The following AMIGO2 variants were observed in gnomAD, a reference collection of about 807,000 sequenced individuals.
The protein encoded by AMIGO2 is adhesion molecule with Ig like domain 2.
Under a neutral mutation model 23.7 loss-of-function variants are expected in AMIGO2, and 15 were observed. The observed-to-expected ratio is 0.63, with a 90% CI of 0.42 to 0.98. The LOEUF (loss-of-function observed/expected upper bound fraction) is 0.98. AMIGO2 is among the 50% of genes least tolerant of loss of function. The pLI, the probability that AMIGO2 is intolerant of heterozygous loss-of-function variation, is 0.00. For missense variants in AMIGO2, 561 were observed against 633.1 expected (o/e 0.89, Z 1.22); for synonymous variants, 264 against 252.3 (o/e 1.05, Z -0.44).
chr12:47,076,370 G>A (rs549739381), downstream of AMIGO2: 8 of 152,412 alleles, frequency 5.2e-5, no homozygotes, highest in Middle Eastern at 3.4e-3. Context: ...AGAGTAAAAC[G>A]TCATACGGAA....
At position 47,077,355 on chromosome 12, in the gene AMIGO2, T is replaced by G; in HGVS notation, c.*79A>C. 2.0e-6 allele frequency: 3 copies of G among 1,503,490 alleles called. No individual in the cohort carries two copies. Among genetic ancestry groups the G allele is most frequent in the Non-Finnish European group, 8.9e-7 (1 of 1,120,736 alleles). The allele number at this position is 1,503,490 out of a possible 1,614,324, so 93.1% of individuals were successfully genotyped here. On this transcript the variant is annotated 3_prime_UTR_variant, in exon 3 of 3. Coordinates refer to ENST00000550413, the MANE Select transcript of AMIGO2 (RefSeq NM_001370299.1). ...GAACAAAACAACACAATTTCTGTCCTGCTGTTTATTTTGCAGACCACACAC... is the reference window on the plus strand; with the variant it reads ...GAACAAAACAACACAATTTCTGTCCGGCTGTTTATTTTGCAGACCACACAC...
chr12:47,079,009 C>G lies in AMIGO2; in HGVS notation c.-7G>C. 1 of 1,573,644 alleles carries G rather than the reference C, an allele frequency of 6.4e-7. No individual in the cohort carries two copies. The highest frequency in any genetic ancestry group is 8.6e-7 in the Non-Finnish European group (1 of 1,157,420). On this transcript the variant is annotated 5_prime_UTR_variant, in exon 3 of 3. Transcript: ENST00000550413. ...TGTGTACACGTAACGACATTATGGT[C>G]GCCTCTGAGTCTCTTCCCGGTGTCT...
At position 47,079,839 on chromosome 12, in the gene AMIGO2, C is replaced by T. The variant is rs1460870678; in HGVS notation, c.-548G>A. 2 of 150,168 alleles carry T rather than the reference C, an allele frequency of 1.3e-5. No individual in the cohort carries two copies. The highest frequency in any genetic ancestry group is 3.0e-5 in the Non-Finnish European group (2 of 67,282). The allele number at this position is 150,168 out of a possible 1,614,324, so 9.3% of individuals were successfully genotyped here. On this transcript the variant is annotated 5_prime_UTR_variant, in exon 1 of 3. Transcript: ENST00000550413. Reference sequence around the variant, plus strand: ...CGGGCGGCAGCGGGCGGCCCCGCCTCTCCGCACTCGGGAGGCTGCAGGACC... The same window carrying T: ...CGGGCGGCAGCGGGCGGCCCCGCCTTTCCGCACTCGGGAGGCTGCAGGACC...
chr12:47,078,176 T>C lies in AMIGO2; in HGVS notation c.827A>G (p.Gln276Arg). 1 of 1,614,192 alleles carries C rather than the reference T, an allele frequency of 6.2e-7. No individual in the cohort carries two copies. The highest frequency in any genetic ancestry group is 8.5e-7 in the Non-Finnish European group (1 of 1,180,042). Reference protein sequence around the residue: ...SRHSRQVLLLQDSFMNCSDSI... With the variant: ...SRHSRQVLLLRDSFMNCSDSI... ...GTCAGAGCAATTCATAAAGCTATCC[T>C]GGAGCAGAAGTACCTGACGCGAGTG... is the stretch of plus-strand genomic sequence containing the variant. The change falls in exon 3 of 3, where the codon CAG becomes CGG. Residue 276 changes from glutamine to arginine, a missense_variant. Coordinates refer to ENST00000550413, the MANE Select transcript of AMIGO2 (RefSeq NM_001370299.1).
Position 47,077,631 on chromosome 12 carries a change from G to A in AMIGO2, c.1372C>T (p.Arg458Trp), listed in dbSNP as rs555599003. 4 of 1,614,212 alleles carry A rather than the reference G, an allele frequency of 2.5e-6. No homozygotes were observed. Among genetic ancestry groups the A allele is most frequent in the South Asian group, 2.2e-5 (2 of 91,086 alleles). ...GPASDASADE[R>W]KAGAGKRVVF... ...ACTCTTTTACCTGCACCTGCCTTCC[G>A]TTCATCAGCGGAGGCATCACTAGCG... The change falls in exon 3 of 3, where the codon CGG (arginine) becomes TGG (tryptophan). Residue 458 changes from arginine to tryptophan, a missense_variant. By Grantham distance (101) the Arg-to-Trp change is moderately radical. Coordinates refer to ENST00000550413, the MANE Select transcript of AMIGO2 (RefSeq NM_001370299.1).
rs1341854928 is a variant in AMIGO2, at chr12:47,078,181, C to T, written c.822G>A (p.Leu274=). 1 of 1,614,066 alleles carries T rather than the reference C, an allele frequency of 6.2e-7. No individual in the cohort carries two copies. Among genetic ancestry groups the T allele is most frequent in the East Asian group, 2.2e-5 (1 of 44,892 alleles). Residue 274 remains leucine (L), a synonymous_variant, in exon 3 of 3, where the codon CTG becomes CTA. Transcript: ENST00000550413. ...AGCAATTCATAAAGCTATCCTGGAG[C>T]AGAAGTACCTGACGCGAGTGCCTGG... ...SDSRHSRQVL[L]LQDSFMNCSD...
chr12:47,076,643 T>G lies in AMIGO2; in HGVS notation c.*791A>C, dbSNP rs1214619834. 2 of 152,616 alleles carry G rather than the reference T, an allele frequency of 1.3e-5. No homozygotes were observed. The highest frequency in any genetic ancestry group is 4.8e-5 in the African/African-American group (2 of 41,450). 9.5% of individuals were successfully genotyped at this position (152,616 alleles called of 1,614,324 possible). On this transcript the variant is annotated 3_prime_UTR_variant, in exon 3 of 3. Transcript: ENST00000550413. ...ATTTAATAGTTCACATAATTTAAGATTTACATATACACAAGCACATGAACC... is the reference window on the plus strand; with the variant it reads ...ATTTAATAGTTCACATAATTTAAGAGTTACATATACACAAGCACATGAACC...
At position 47,078,713 on chromosome 12, in the gene AMIGO2, G is replaced by A. The variant is rs1470162918; in HGVS notation, c.290C>T (p.Thr97Ile). Residue 97 changes from threonine to isoleucine, a missense_variant, in exon 3 of 3, where the codon ACC (threonine) becomes ATC (isoleucine). Coordinates refer to ENST00000550413, the MANE Select transcript of AMIGO2 (RefSeq NM_001370299.1). Reference sequence around the variant, plus strand: ...GATGTTGTTATGACGAAGAATTAGGGTGTTCAGCTTTGCAAACGATACTGG... The same window carrying A: ...GATGTTGTTATGACGAAGAATTAGGATGTTCAGCTTTGCAAACGATACTGG... ...WIPVSFAKLN[T>I]LILRHNNITS... The A allele has an allele frequency of 1.2e-6, 2 of 1,614,196 alleles. No individual in the cohort carries two copies. The highest frequency in any genetic ancestry group is 1.7e-6 in the Non-Finnish European group (2 of 1,180,042).
rs375262126 is a variant in AMIGO2 at position 47,078,270 on chromosome 12, G to T, written c.733C>A (p.Arg245Ser). The T allele has an allele frequency of 6.2e-7, 1 of 1,614,070 alleles. No individual in the cohort carries two copies. Among genetic ancestry groups the T allele is most frequent in the South Asian group, 1.1e-5 (1 of 91,074 alleles). The change falls in exon 3 of 3, where the codon CGT becomes AGT. Residue 245 changes from arginine (R) to serine (S), a missense_variant. By Grantham distance (110) the Arg-to-Ser change is moderately radical. Transcript: ENST00000550413. Reference protein sequence around the residue: ...SLYSLLVFWYRRHFSSVMDFK... With the variant: ...SLYSLLVFWYSRHFSSVMDFK... ...TCCATCACTGAGCTAAAGTGCCTACGATACCAAAAGACCAGCAAGGAGTAC... is the reference window on the plus strand; with the variant it reads ...TCCATCACTGAGCTAAAGTGCCTACTATACCAAAAGACCAGCAAGGAGTAC...
rs777370025 is a variant in AMIGO2, at chr12:47,077,694, G to C, written c.1309C>G (p.Gln437Glu). ...KTKRQKNMLH[Q>E]SNAHSSILSP... Reference sequence around the variant, plus strand: ...AGAATCGATGAATGGGCATTGCTTTGGTGTAGCATATTTTTCTGTCTCTTG... The same window carrying C: ...AGAATCGATGAATGGGCATTGCTTTCGTGTAGCATATTTTTCTGTCTCTTG... Residue 437 changes from glutamine to glutamate, a missense_variant, in exon 3 of 3, where the codon CAA becomes GAA. Coordinates refer to ENST00000550413, the MANE Select transcript of AMIGO2 (RefSeq NM_001370299.1). 1 of 1,614,062 alleles carries C rather than the reference G, an allele frequency of 6.2e-7. No individual in the cohort carries two copies. Among genetic ancestry groups the C allele is most frequent in the East Asian group, 2.2e-5 (1 of 44,896 alleles).
At position 47,076,694 on chromosome 12, in the gene AMIGO2, T is replaced by G. The variant is rs1388890632; in HGVS notation, c.*740A>C. ...AATATTAGTTTGCTAGAACAGGGATTTAAGAAGTTACTCAGACATTTTGGT... is the reference window on the plus strand; with the variant it reads ...AATATTAGTTTGCTAGAACAGGGATGTAAGAAGTTACTCAGACATTTTGGT... On this transcript the variant is annotated 3_prime_UTR_variant, in exon 3 of 3. Coordinates refer to ENST00000550413, the MANE Select transcript of AMIGO2 (RefSeq NM_001370299.1). The G allele has an allele frequency of 1.3e-5, 2 of 152,472 alleles. No individual in the cohort carries two copies. The highest frequency in any genetic ancestry group is 2.9e-5 in the Non-Finnish European group (2 of 68,042). 9.4% of individuals were successfully genotyped at this position (152,472 alleles called of 1,614,324 possible). A position where few individuals can be genotyped will look rare whatever the true frequency, so the allele number is the denominator to read the frequency against.
Position 47,077,326 on chromosome 12 carries a change from C to A in AMIGO2, c.*108G>T, listed in dbSNP as rs1321736178. The A allele has an allele frequency of 2.1e-5, 30 of 1,408,450 alleles. No individual in the cohort carries two copies. Among genetic ancestry groups the A allele is most frequent in the Non-Finnish European group, 2.8e-5 (30 of 1,060,158 alleles). The allele number at this position is 1,408,450 out of a possible 1,614,324, so 87.2% of individuals were successfully genotyped here. On this transcript the variant is annotated 3_prime_UTR_variant, in exon 3 of 3. Coordinates refer to ENST00000550413, the MANE Select transcript of AMIGO2 (RefSeq NM_001370299.1). Reference sequence around the variant, plus strand: ...ATTTTAAGAGAATTTGGTTGTATTTCAAAGAACAAAACAACACAATTTCTG... The same window carrying A: ...ATTTTAAGAGAATTTGGTTGTATTTAAAAGAACAAAACAACACAATTTCTG...
rs754077784 is a variant in AMIGO2 at position 47,077,658 on chromosome 12, G to T, written c.1345C>A (p.Pro449Thr). The T allele has an allele frequency of 8.1e-6, 13 of 1,614,160 alleles. No individual in the cohort carries two copies. Among genetic ancestry groups the T allele is most frequent in the Non-Finnish European group, 1.1e-5 (13 of 1,180,030 alleles). ...NAHSSILSPGPASDASADERK... is the reference protein window; with the variant it reads ...NAHSSILSPGTASDASADERK... ...TCATCAGCGGAGGCATCACTAGCGG[G>T]GCCAGGACTGAGAATCGATGAATGG... The change falls in exon 3 of 3, where the codon CCC becomes ACC. Residue 449 changes from proline (P) to threonine (T), a missense_variant. By Grantham distance (38) the Pro-to-Thr change is conservative (BLOSUM62 -1). Transcript: ENST00000550413.
In AMIGO2 at chr12:47,079,642, GGCA is replaced by G; in HGVS notation, c.-354_-352del. ...TTGAGGAGTTTCAAGCAGCCGCGGC[GGCA>G]GCAGCAGCCCTGGACGCAGCAGCCA... On this transcript the variant is annotated 5_prime_UTR_variant, in exon 1 of 3. Coordinates refer to ENST00000550413, the MANE Select transcript of AMIGO2 (RefSeq NM_001370299.1). 1 of 153,052 alleles carries G rather than the reference GGCA, an allele frequency of 6.5e-6. No individual in the cohort carries two copies. The highest frequency in any genetic ancestry group is 1.5e-5 in the Non-Finnish European group (1 of 68,780). The allele number at this position is 153,052 out of a possible 1,614,324, so 9.5% of individuals were successfully genotyped here.
intron 1 of AMIGO2, 33 bp from the exon 2 acceptor site, chr12:47,079,281 C>T (rs931515887): frequency 2.6e-5 from 9 of 341,812 alleles, no homozygotes; most frequent in African/African-American, 1.9e-4. Context: ...ACATTCTCTC[C>T]ATACAACCCA....
rs776001481 is a variant in AMIGO2, at chr12:47,078,466, CTG to C, written c.535_536del (p.Gln179ValfsTer23). ...TTCCAACATACAAATCCATCGGAAA[CTG>C]TGTGAGAAAATTTCCACTTAAGTAG... ...KLYLSGNFLT[Q>X]FPMDLYVGRF... is the part of the protein sequence containing the mutation. On this transcript the variant is annotated frameshift_variant, in exon 3 of 3. Coordinates refer to ENST00000550413, the MANE Select transcript of AMIGO2 (RefSeq NM_001370299.1). LOFTEE classifies it high-confidence loss of function. The C allele has an allele frequency of 1.9e-6, 3 of 1,614,200 alleles. No individual in the cohort carries two copies. The highest frequency in any genetic ancestry group is 2.5e-6 in the Non-Finnish European group (3 of 1,180,034).
rs772688049 is a variant in AMIGO2, at chr12:47,077,493, A to T, written c.1510T>A (p.Ser504Thr). Residue 504 changes from serine to threonine, a missense_variant, in exon 3 of 3, where the codon TCT becomes ACT. By Grantham distance (58) the Ser-to-Thr change is moderately conservative. Coordinates refer to ENST00000550413, the MANE Select transcript of AMIGO2 (RefSeq NM_001370299.1). ...ACTGAATTGACTGAATCTGAGTCAG[A>T]TTTCCCCCTCGTGGACTTTAGGATG... is the stretch of plus-strand genomic sequence containing the variant. ...EGILKSTRGK[S>T]DSDSVNSVFS... 27 of 1,614,026 alleles carry T rather than the reference A, an allele frequency of 1.7e-5. No individual in the cohort carries two copies. The highest frequency in any genetic ancestry group is 2.3e-5 in the Non-Finnish European group (27 of 1,180,022).
rs1158716733 is a variant in AMIGO2, at chr12:47,077,601, A to G, written c.1402T>C (p.Phe468Leu). The G allele has an allele frequency of 5.0e-6, 8 of 1,614,176 alleles. No homozygotes were observed. The East Asian group carries it at 1.8e-4, about 36-fold the overall frequency. ...RKAGAGKRVV[F>L]LEPLKDTAAG... The stretch of plus-strand genomic sequence containing the variant: ...GCAGTATCCTTCAGGGGTTCCAAAA[A>G]CACCACTCTTTTACCTGCACCTGCC... Residue 468 changes from phenylalanine (F) to leucine (L), a missense_variant, in exon 3 of 3, where the codon TTT becomes CTT. Transcript: ENST00000550413.
chr12:47,078,806 A>C lies in AMIGO2; in HGVS notation c.197T>G (p.Leu66Arg). ...NKNLSKVPGN[L>R]FRLIKRLDLS... ...GTCCAGTCTCTTAATCAGTCTGAAA[A>C]GGTTCCCAGGCACCTTGGACAGGTT... The change falls in exon 3 of 3, where the codon CTT becomes CGT. Residue 66 changes from leucine to arginine, a missense_variant. Transcript: ENST00000550413. The C allele has an allele frequency of 6.2e-7, 1 of 1,614,224 alleles. No individual in the cohort carries two copies. The highest frequency in any genetic ancestry group is 8.5e-7 in the Non-Finnish European group (1 of 1,180,028).
Sources: allele counts gnomAD v4.1 joint callset, GRCh38; gene constraint gnomAD v4.1.1; transcripts MANE v1.5; gene names NCBI Gene and HGNC (gene_info 2026-07-23, HGNC 2026-07-21).